CNBD1: variants seen among roughly 807,000 people sequenced by gnomAD.
CNBD1 encodes cyclic nucleotide binding domain containing 1, also known as cyclic nucleotide-binding domain-containing protein 1.
In CNBD1, 71 loss-of-function variants were observed where a neutral mutation model predicts 54.4. The observed-to-expected ratio is 1.30, with a 90% CI of 1.08 to 1.59. CNBD1 has a LOEUF of 1.59. CNBD1 is among the 40% of genes most tolerant of loss of function. The probability of loss-of-function intolerance (pLI) is 0.00; values close to 1 mark genes in which losing one functional copy is unlikely to be tolerated. For missense variants in CNBD1, 659 were observed against 518.0 expected (o/e 1.27, Z -2.64); for synonymous variants, 182 against 170.7 (o/e 1.07, Z -0.51).
At chr8:87,346,332 G>A (rs111534958) in intron 8 of CNBD1, among the ~76,000 whole-genome samples, 2,843 of 152,146 alleles carry the variant, frequency 0.019, 90 homozygotes, top group African/African-American at 0.062. Flanking sequence ...GTGAGCCACC[G>A]TGCCTGGCCA....
At chr8:87,353,575 A>C in intron 9 of CNBD1, 61 bp from the exon 10 acceptor site, 1 of 1,103,382 alleles carries the variant, frequency 9.1e-7, no homozygotes, top group Non-Finnish European at 1.3e-6. Context: ...TGATAAAAAC[A>C]ATACTGATTC....
intron 4 of CNBD1, among the ~76,000 whole-genome samples, chr8:86,972,736 A>G (rs35552610): frequency 0.011 from 1,707 of 152,292 alleles, 25 homozygotes; most frequent in Non-Finnish European, 0.017. Context: ...ATTTAATACA[A>G]TGGAAGACAC....
chr8:87,213,696 A>C (rs1814149786), intron 5 of CNBD1, among the ~76,000 whole-genome samples: 1 of 151,690 alleles, frequency 6.6e-6, no homozygotes, highest in Non-Finnish European at 1.5e-5. Context: ...ATACCATTTC[A>C]CTCCTGGCCC....
intron 4 of CNBD1, among the ~76,000 whole-genome samples, chr8:86,956,520 G>A (rs147143311): frequency 0.02 from 3,017 of 152,222 alleles, 98 homozygotes; most frequent in African/African-American, 0.07. Flanking sequence ...GCAGTGGTTT[G>A]TAGTTCTCCT....
At chr8:87,427,130 G>A (rs1231915101) in intron 2 of CNBD1, among the ~76,000 whole-genome samples, 1 of 152,016 alleles carries the variant, frequency 6.6e-6, no homozygotes, top group Admixed American at 6.6e-5. Context: ...TAAAGAGCTA[G>A]CATCCTTCAT....
At chr8:87,245,309 G>T (rs562391828) in intron 6 of CNBD1, among the ~76,000 whole-genome samples, 95 of 152,042 alleles carry the variant, frequency 6.2e-4, no homozygotes, top group African/African-American at 2.2e-3. Flanking sequence ...TGTATTATAA[G>T]AGCAATAAAA....
chr8:87,089,750 T>C (rs1434314557), intron 4 of CNBD1, among the ~76,000 whole-genome samples: 1 of 152,108 alleles, frequency 6.6e-6, no homozygotes, highest in Non-Finnish European at 1.5e-5. Flanking sequence ...TACTTTTTTT[T>C]CTCAAAGAAT....
intron 4 of CNBD1, among the ~76,000 whole-genome samples, chr8:86,950,506 G>C (rs768519311): frequency 1.4e-4 from 21 of 152,150 alleles, no homozygotes; most frequent in African/African-American, 5.1e-4. Context: ...ACTTGGTCAT[G>C]ATGAATGATA....
intron 8 of CNBD1, among the ~76,000 whole-genome samples, chr8:87,292,348 A>C (rs768680458): frequency 6.6e-6 from 1 of 152,200 alleles, no homozygotes; most frequent in Non-Finnish European, 1.5e-5. Context: ...ATAGTTAAAG[A>C]AGTTTGAAAG....
chr8:87,381,923 G>T (rs1586066709), intron 10 of CNBD1, among the ~76,000 whole-genome samples: 2 of 151,856 alleles, frequency 1.3e-5, no homozygotes, highest in Non-Finnish European at 2.9e-5. Context: ...TGGATCTGCT[G>T]TACAACATTC....
chr8:87,423,315 G>A (rs1807979423), intron 2 of CNBD1, among the ~76,000 whole-genome samples: 2 of 148,208 alleles, frequency 1.3e-5, no homozygotes, highest in Non-Finnish European at 3.0e-5. Context: ...ACACTATGTT[G>A]AATAGGAGTG....
intron 5 of CNBD1, among the ~76,000 whole-genome samples, chr8:87,215,865 A>C (rs1441759469): frequency 6.6e-6 from 1 of 152,134 alleles, no homozygotes; most frequent in Non-Finnish European, 1.5e-5. Flanking sequence ...CCTAAAATGG[A>C]AGCCCATGCC....
At chr8:86,964,281 G>A (rs1047554673) in intron 4 of CNBD1, among the ~76,000 whole-genome samples, 1 of 152,146 alleles carries the variant, frequency 6.6e-6, no homozygotes, top group Non-Finnish European at 1.5e-5. Context: ...ATGCACACCT[G>A]TAAGGGCTTC....
chr8:87,352,646 C>T (rs1810328922), intron 9 of CNBD1, among the ~76,000 whole-genome samples: 1 of 152,178 alleles, frequency 6.6e-6, no homozygotes, highest in African/African-American at 2.4e-5. Flanking sequence ...CTCAAACATA[C>T]TATGTAGGGC....
chr8:87,240,251 G>C (rs1231174133), intron 6 of CNBD1, among the ~76,000 whole-genome samples: 3 of 151,958 alleles, frequency 2.0e-5, no homozygotes, highest in African/African-American at 7.2e-5. Flanking sequence ...TTAAGTTGAA[G>C]ATTCTCAATA....
chr8:87,005,055 T>A (rs113988129), intron 4 of CNBD1, among the ~76,000 whole-genome samples: 1 of 151,938 alleles, frequency 6.6e-6, no homozygotes, highest in Non-Finnish European at 1.5e-5. Flanking sequence ...CTTGAAGATT[T>A]TTTTTTTTTT....
intron 4 of CNBD1, among the ~76,000 whole-genome samples, chr8:86,999,952 G>T (rs1267809039): frequency 6.6e-6 from 1 of 152,116 alleles, no homozygotes; most frequent in Non-Finnish European, 1.5e-5. Flanking sequence ...TATTTTGCTG[G>T]CCTTAGACTG....
At chr8:86,995,105 GA>G (rs1808839652) in intron 4 of CNBD1, among the ~76,000 whole-genome samples, 1 of 152,264 alleles carries the variant, frequency 6.6e-6, no homozygotes, top group Non-Finnish European at 1.5e-5. Flanking sequence ...GCTTGGTGGG[GA>G]TGCAGGTGGA....
At chr8:87,128,480 G>C (rs116528580) in intron 4 of CNBD1, among the ~76,000 whole-genome samples, 2 of 152,164 alleles carry the variant, frequency 1.3e-5, no homozygotes, top group African/African-American at 4.8e-5. Context: ...TGTGAGGGAC[G>C]TCAGGGAACT....
Sources: gnomAD v4.1 joint callset for allele counts (sites outside exome capture counted in the v4.1 genomes callset) on GRCh38, gnomAD v4.1.1 for gene constraint, MANE v1.5 for transcripts, NCBI Gene and HGNC (gene_info 2026-07-23, HGNC 2026-07-21) for gene names.